STXBP5L: variants seen among roughly 807,000 people sequenced by gnomAD.
STXBP5L encodes the protein syntaxin-binding protein 5-like.
STXBP5L carries 65 observed loss-of-function variants against 144.5 expected under a neutral mutation model. The observed-to-expected ratio is 0.45, with a 90% CI of 0.37 to 0.55. The LOEUF (loss-of-function observed/expected upper bound fraction) is 0.55, where lower values mean the gene tolerates loss of function less well. STXBP5L is among the 20% of genes least tolerant of loss of function. STXBP5L has a pLI of 0.00. For synonymous variants in STXBP5L, 505 were observed against 469.6 expected (o/e 1.08, Z -0.97); for missense variants, 1,298 against 1,405.5 (o/e 0.92, Z 1.22).
intron 7 of STXBP5L, among the ~76,000 whole-genome samples, chr3:121,138,903 G>T (rs773095298): frequency 1.3e-4 from 19 of 151,878 alleles, no homozygotes; most frequent in Middle Eastern, 3.2e-3. Context: ...ATAGACAAAT[G>T]AGATTATATC....
Position 121,211,582 on chromosome 3 carries a change from T to TC in STXBP5L, c.956+5581_956+5582insC, listed in dbSNP as rs1233505840. 5.7e-5 allele frequency among the ~76,000 whole-genome samples: 8 copies of TC among 141,014 alleles called. No individual in the cohort carries two copies. In the South Asian group the frequency reaches 1.2e-3, roughly 21 times the overall value. The allele number at this position is 141,014 out of a possible 152,430, so 92.5% of individuals were successfully genotyped here. Reference sequence around the variant, plus strand: ...ATTTCCTGACTTTTTTTCTTTCTTTTTTTTTTTTTTTTTTTGAGACAGAGT... The same window carrying TC: ...ATTTCCTGACTTTTTTTCTTTCTTTTCTTTTTTTTTTTTTTTGAGACAGAGT... On this transcript the variant is annotated intron_variant, in intron 10 of 26. Coordinates refer to ENST00000471454, the MANE Select transcript of STXBP5L (RefSeq NM_001308330.2).
chr3:121,132,966 C>G (rs1559782666), intron 7 of STXBP5L, among the ~76,000 whole-genome samples: 2 of 152,060 alleles, frequency 1.3e-5, no homozygotes. Flanking sequence ...GAATGAAGAA[C>G]AGGGAAGAAG....
intron 20 of STXBP5L, among the ~76,000 whole-genome samples, chr3:121,363,752 GT>G (rs941238043): frequency 7.9e-5 from 12 of 151,260 alleles, no homozygotes; most frequent in East Asian, 3.9e-4. Flanking sequence ...ATGAAGGTGG[GT>G]TTTTTTTTCT....
chr3:120,937,863 C>T (rs1032762102), intron 2 of STXBP5L, among the ~76,000 whole-genome samples: 2 of 152,048 alleles, frequency 1.3e-5, no homozygotes, highest in East Asian at 1.9e-4. Flanking sequence ...TGAGTTACTT[C>T]GTAGACTCAA....
At chr3:121,406,155 A>T (rs1378505909) in intron 22 of STXBP5L, among the ~76,000 whole-genome samples, 1 of 151,934 alleles carries the variant, frequency 6.6e-6, no homozygotes. Context: ...AAACTGCAGC[A>T]CCTAAACCTC....
At chr3:121,231,296 C>T (rs994584006) in intron 11 of STXBP5L, among the ~76,000 whole-genome samples, 5 of 152,164 alleles carry the variant, frequency 3.3e-5, no homozygotes, top group Non-Finnish European at 7.4e-5. Context: ...TGTCTCATGT[C>T]GCATTGCTTT....
At chr3:121,279,713 C>A in intron 18 of STXBP5L, 92 bp from the exon 19 acceptor site, 2 of 1,486,268 alleles carry the variant, frequency 1.3e-6, no homozygotes, top group Non-Finnish European at 1.9e-6. Flanking sequence ...AACCCTAAGA[C>A]ATTACTTTTC....
intron 3 of STXBP5L, among the ~76,000 whole-genome samples, chr3:120,995,339 G>A (rs1040677101): frequency 9.2e-5 from 14 of 151,846 alleles, no homozygotes; most frequent in African/African-American, 3.4e-4. Context: ...GTAGATGTAG[G>A]GTTTCCCTAT....
intron 9 of STXBP5L, among the ~76,000 whole-genome samples, chr3:121,201,339 C>G (rs768742345): frequency 6.6e-6 from 1 of 152,088 alleles, no homozygotes; most frequent in Non-Finnish European, 1.5e-5. Context: ...ATTGCAACCC[C>G]TACTGTTTTT....
chr3:121,157,280 G>C (rs1211237760), intron 8 of STXBP5L, among the ~76,000 whole-genome samples: 1 of 152,096 alleles, frequency 6.6e-6, no homozygotes, highest in Non-Finnish European at 1.5e-5. Context: ...AAAGCCTTCA[G>C]ATGGTAGCTC....
chr3:121,022,473 C>T (rs1945629900), intron 3 of STXBP5L, among the ~76,000 whole-genome samples: 1 of 152,068 alleles, frequency 6.6e-6, no homozygotes, highest in African/African-American at 2.4e-5. Flanking sequence ...AAACTATAGA[C>T]TAATATCCCT....
At chr3:121,252,630 AAC>A (rs2050063721) in intron 15 of STXBP5L, among the ~76,000 whole-genome samples, 1 of 152,216 alleles carries the variant, frequency 6.6e-6, no homozygotes, top group Non-Finnish European at 1.5e-5. Context: ...AACTTTGTGA[AAC>A]ACTGTCTAAT....
chr3:120,982,841 TGGC>T (rs1941920386), intron 3 of STXBP5L, among the ~76,000 whole-genome samples: 1 of 152,166 alleles, frequency 6.6e-6, no homozygotes, highest in African/African-American at 2.4e-5. Flanking sequence ...GGCCCCTAGA[TGGC>T]CCCTTGGATG....
intron 10 of STXBP5L, among the ~76,000 whole-genome samples, chr3:121,210,180 G>A (rs1235493659): frequency 6.6e-6 from 1 of 152,056 alleles, no homozygotes; most frequent in Non-Finnish European, 1.5e-5. Context: ...TTCTCTGATG[G>A]CCAGTGATGA....
chr3:121,119,257 T>C (rs921662701), intron 6 of STXBP5L, among the ~76,000 whole-genome samples: 8 of 151,378 alleles, frequency 5.3e-5, no homozygotes, highest in Non-Finnish European at 1.2e-4. Flanking sequence ...TGCAAATGAG[T>C]AGTAACTTTC....
chr3:121,138,517 G>A (rs1048685392), intron 7 of STXBP5L, among the ~76,000 whole-genome samples: 1 of 152,128 alleles, frequency 6.6e-6, no homozygotes, highest in Non-Finnish European at 1.5e-5. Flanking sequence ...ATACCACAAT[G>A]CTATAGTAAC....
In STXBP5L at chr3:121,142,497, G is replaced by A. The variant is rs376843684; in HGVS notation, c.670-9980G>A. On this transcript the variant is annotated intron_variant, in intron 7 of 26. Transcript: ENST00000471454. ...GAATATTCTCCAAAATAGATAACAC[G>A]TTAGGCCATGAAACAAACCTTAATA... Among the ~76,000 whole-genome samples the A allele has an allele frequency of 1.8e-4, 27 of 151,958 alleles. No individual in the cohort carries two copies. The South Asian group carries it at 3.7e-3, about 21-fold the overall frequency.
chr3:120,909,687 G>C lies in STXBP5L; in HGVS notation c.109G>C (p.Val37Leu). Residue 37 changes from valine (V) to leucine (L), a missense_variant, in exon 2 of 27, where the codon GTA (valine) becomes CTA (leucine). By Grantham distance (32) the Val-to-Leu change is conservative. Coordinates refer to ENST00000471454, the MANE Select transcript of STXBP5L (RefSeq NM_001308330.2). The part of the protein sequence containing the change: ...NSGGGAGSGS[V>L]HPAGTAGVLR... The stretch of plus-strand genomic sequence containing the variant: ...TGGTGGTGGGGCTGGAAGTGGTTCC[G>C]TACATCCGGCGGGGACTGCAGGGGT... 4 of 1,612,824 alleles carry C rather than the reference G, an allele frequency of 2.5e-6. No individual in the cohort carries two copies. Among genetic ancestry groups the C allele is most frequent in the Non-Finnish European group, 3.4e-6 (4 of 1,179,688 alleles).
chr3:121,150,862 C>T (rs1249510224), intron 7 of STXBP5L, among the ~76,000 whole-genome samples: 2 of 151,904 alleles, frequency 1.3e-5, no homozygotes, highest in Non-Finnish European at 2.9e-5. Context: ...CCAAGAGGGG[C>T]AGATCACTTG....
Sources: allele counts gnomAD v4.1 joint callset (sites outside exome capture counted in the v4.1 genomes callset), GRCh38; gene constraint gnomAD v4.1.1; transcripts MANE v1.5; gene names NCBI Gene and HGNC (gene_info 2026-07-23, HGNC 2026-07-21).